SH3GL3: variants seen among roughly 807,000 people sequenced by gnomAD.
SH3GL3 encodes the protein SH3 domain containing GRB2 like 3, endophilin A3.
In SH3GL3, 33 loss-of-function variants were observed where a neutral mutation model predicts 47.7. The ratio of observed to expected loss-of-function variants is 0.69; its 90% CI spans 0.52 to 0.92. The LOEUF is 0.92. SH3GL3 is among the 40% of genes least tolerant of loss of function. The pLI, the probability that SH3GL3 is intolerant of heterozygous loss-of-function variation, is 0.00. For missense variants in SH3GL3, 363 were observed against 417.8 expected (o/e 0.87, Z 1.14); for synonymous variants, 155 against 148.8 (o/e 1.04, Z -0.30).
downstream of SH3GL3, among the ~76,000 whole-genome samples, chr15:83,622,617 T>C (rs2060918093): frequency 6.6e-6 from 1 of 152,260 alleles, no homozygotes; most frequent in Admixed American, 6.5e-5. Flanking sequence ...GCAAGGATCA[T>C]GACCTGGCAG....
chr15:83,479,183 A>G (rs535466762), intron 1 of SH3GL3, among the ~76,000 whole-genome samples: 14 of 152,208 alleles, frequency 9.2e-5, no homozygotes, highest in Non-Finnish European at 1.5e-4. Context: ...TTGACTCTGA[A>G]GGGGGAATCC....
chr15:83,515,394 G>C (rs1214918235), intron 1 of SH3GL3, among the ~76,000 whole-genome samples: 4 of 152,198 alleles, frequency 2.6e-5, no homozygotes, highest in Non-Finnish European at 5.9e-5. Flanking sequence ...ATGAATTGCA[G>C]AACTAGCAGG....
chr15:83,534,475 T>A (rs1335646916), intron 1 of SH3GL3, among the ~76,000 whole-genome samples: 1 of 152,164 alleles, frequency 6.6e-6, no homozygotes, highest in Non-Finnish European at 1.5e-5. Flanking sequence ...TCTATGTATT[T>A]TTAAAAGTTC....
chr15:83,575,897 G>C (rs1014871237), intron 5 of SH3GL3, among the ~76,000 whole-genome samples: 3 of 151,934 alleles, frequency 2.0e-5, no homozygotes, highest in African/African-American at 7.3e-5. Context: ...TCTGACACGG[G>C]GTCTCTCTGC....
In SH3GL3 at chr15:83,448,425, G is replaced by A. The variant is rs761866081; in HGVS notation, c.45+847G>A. ...GAGCAGAGGAAACAGGAAAACAGGAGGGGAGACATGAAATTGATGTGTGTG... is the reference window on the plus strand; with the variant it reads ...GAGCAGAGGAAACAGGAAAACAGGAAGGGAGACATGAAATTGATGTGTGTG... On this transcript the variant is annotated intron_variant, in intron 1 of 8. Coordinates refer to ENST00000427482, the MANE Select transcript of SH3GL3 (RefSeq NM_003027.5). This position sits in a 1 kb window ranked among gnomAD's most constrained non-coding sequence, Gnocchi z 4.2. Among the ~76,000 whole-genome samples, 6 of 144,756 alleles carry A rather than the reference G, an allele frequency of 4.1e-5. No homozygotes were observed. The highest frequency in any genetic ancestry group is 1.3e-4 in the African/African-American group (5 of 37,724). The allele number at this position is 144,756 out of a possible 152,430, so 95.0% of individuals were successfully genotyped here.
At chr15:83,569,046 C>T (rs1242616837) in intron 4 of SH3GL3, among the ~76,000 whole-genome samples, 3 of 151,974 alleles carry the variant, frequency 2.0e-5, no homozygotes, top group Non-Finnish European at 4.4e-5. Flanking sequence ...CAGGCTCAAG[C>T]CACCATGCCT....
downstream of SH3GL3, among the ~76,000 whole-genome samples, chr15:83,623,413 C>T (rs1019407683): frequency 6.6e-6 from 1 of 152,222 alleles, no homozygotes; most frequent in Admixed American, 6.5e-5. Flanking sequence ...TGGAGGTTGG[C>T]TGGGCTGACT....
intron 1 of SH3GL3, among the ~76,000 whole-genome samples, chr15:83,496,247 T>C (rs747783013): frequency 6.6e-6 from 1 of 151,294 alleles, no homozygotes; most frequent in Non-Finnish European, 1.5e-5. Context: ...TAGTCTCAGC[T>C]ACTCGGGAGG....
intron 1 of SH3GL3, among the ~76,000 whole-genome samples, chr15:83,548,593 A>G (rs1273502058): frequency 3.3e-5 from 5 of 152,026 alleles, no homozygotes; most frequent in African/African-American, 9.7e-5. Context: ...AGATTGGTAG[A>G]TATTTTCTGC....
intron 1 of SH3GL3, among the ~76,000 whole-genome samples, chr15:83,475,783 C>T (rs748525199): frequency 6.6e-6 from 1 of 152,218 alleles, no homozygotes; most frequent in Non-Finnish European, 1.5e-5. Context: ...GGTCTGTAGA[C>T]TCCTGGTTGC....
At chr15:83,521,793 G>A (rs1274047055) in intron 1 of SH3GL3, among the ~76,000 whole-genome samples, 1 of 152,200 alleles carries the variant, frequency 6.6e-6, no homozygotes, top group African/African-American at 2.4e-5. Flanking sequence ...ACTGTGGCCC[G>A]TGGGTCAGTT....
intron 8 of SH3GL3, among the ~76,000 whole-genome samples, chr15:83,616,911 A>G (rs2151853250): frequency 6.6e-6 from 1 of 152,348 alleles, no homozygotes; most frequent in South Asian, 2.1e-4. Context: ...AGTTGAAGAA[A>G]TGTTACATTG....
intron 8 of SH3GL3, among the ~76,000 whole-genome samples, chr15:83,594,288 TGTTA>T (rs2060185125): frequency 6.6e-6 from 1 of 152,242 alleles, no homozygotes; most frequent in African/African-American, 2.4e-5. Context: ...TGAATTACAT[TGTTA>T]GTTAAATCAA....
At chr15:83,528,385 G>A (rs903568005) in intron 1 of SH3GL3, among the ~76,000 whole-genome samples, 18 of 152,056 alleles carry the variant, frequency 1.2e-4, no homozygotes, top group Admixed American at 4.6e-4. Flanking sequence ...TGTTGAATAC[G>A]TTTTCTATGC....
the SH3GL3 span, among the ~76,000 whole-genome samples, chr15:83,631,069 A>C: frequency 6.6e-6 from 1 of 152,154 alleles, no homozygotes; most frequent in Non-Finnish European, 1.5e-5. Context: ...GGCCAAAACA[A>C]AGGGGCTACA....
In SH3GL3 at chr15:83,447,753, C is replaced by A. The variant is rs1055696116; in HGVS notation, c.45+175C>A. ...GGGCCGCCTGCTCTCTCCTCGGCGT[C>A]TTGGCGCCTTCTCCTTCCCATTCCC... On this transcript the variant is annotated intron_variant, in intron 1 of 8. Transcript: ENST00000427482. This position sits in a 1 kb window ranked among gnomAD's most constrained non-coding sequence, Gnocchi z 5.1. 1.3e-5 allele frequency among the ~76,000 whole-genome samples: 2 copies of A among 152,194 alleles called. No homozygotes were observed. Among genetic ancestry groups the A allele is most frequent in the African/African-American group, 2.4e-5 (1 of 41,460 alleles).
rs573903144 is a variant in SH3GL3, at chr15:83,508,407, G to A, written c.46-50846G>A. On this transcript the variant is annotated intron_variant, in intron 1 of 8. Coordinates refer to ENST00000427482, the MANE Select transcript of SH3GL3 (RefSeq NM_003027.5). Reference sequence around the variant, plus strand: ...CCTTAGAAACACGCTGGAGGTGTTCGAGGATCATGGAGGGGTGTGGCTGGA... The same window carrying A: ...CCTTAGAAACACGCTGGAGGTGTTCAAGGATCATGGAGGGGTGTGGCTGGA... 9.2e-5 allele frequency among the ~76,000 whole-genome samples: 14 copies of A among 152,184 alleles called. No individual in the cohort carries two copies. The East Asian group carries it at 2.5e-3, about 27-fold the overall frequency.
At chr15:83,485,332 G>A (rs1030126207) in intron 1 of SH3GL3, among the ~76,000 whole-genome samples, 1 of 152,128 alleles carries the variant, frequency 6.6e-6, no homozygotes, top group Admixed American at 6.5e-5. Context: ...TAATGTAGGT[G>A]CCTCAACAAG....
intron 8 of SH3GL3, among the ~76,000 whole-genome samples, chr15:83,597,607 A>G (rs1418946657): frequency 6.6e-6 from 1 of 150,772 alleles, no homozygotes. Flanking sequence ...ATTTTATTAT[A>G]ATTATTATTA....
Sources: allele counts gnomAD v4.1 joint callset (sites outside exome capture counted in the v4.1 genomes callset), GRCh38; gene constraint gnomAD v4.1.1; non-coding constraint Gnocchi (gnomAD v3.1); transcripts MANE v1.5; gene names NCBI Gene and HGNC (gene_info 2026-07-23, HGNC 2026-07-21).